The following TRIM63 variants were observed in gnomAD, a reference collection of about 807,000 sequenced individuals.
The protein encoded by TRIM63 is E3 ubiquitin-protein ligase TRIM63.
Under a neutral mutation model 46.0 loss-of-function variants are expected in TRIM63, and 48 were observed. The observed-to-expected ratio is 1.04, with a 90% CI of 0.83 to 1.33. The LOEUF is 1.33. Among genes scored for constraint, TRIM63 ranks in the 40% most tolerant of loss-of-function variants. The probability of loss-of-function intolerance (pLI) is 0.00; values close to 1 mark genes in which losing one functional copy is unlikely to be tolerated. For missense variants in TRIM63, 455 were observed against 441.2 expected (o/e 1.03, Z -0.28); for synonymous variants, 175 against 162.8 (o/e 1.08, Z -0.57).
intron 2 of TRIM63, among the ~76,000 whole-genome samples, chr1:26,061,597 G>T (rs565113770): frequency 6.6e-6 from 1 of 152,316 alleles, no homozygotes; most frequent in Admixed American, 6.5e-5. Flanking sequence ...ATCCTAAGAG[G>T]GAGTTAGCCT....
chr1:26,061,400 A>G (rs2050625150), intron 2 of TRIM63, 66 bp from the exon 3 acceptor site: 4 of 1,550,846 alleles, frequency 2.6e-6, no homozygotes, highest in African/African-American at 2.7e-5. Flanking sequence ...CCCAGCTCCA[A>G]TGCACCAGTC....
rs781192996 is a variant in TRIM63, at chr1:26,066,339, G to T, written c.261C>A (p.His87Gln). ...GGTTCCTCTGCAGGCCGTACACTCCGTGACGATCCATGATCACCTCGTGGC... is the reference window on the plus strand; with the variant it reads ...GGTTCCTCTGCAGGCCGTACACTCCTTGACGATCCATGATCACCTCGTGGC... ...TCRHEVIMDR[H>Q]GVYGLQRNLL... The change falls in exon 2 of 9, where the codon CAC (histidine) becomes CAA (glutamine). Residue 87 changes from histidine (H) to glutamine (Q), a missense_variant. By Grantham distance (24) the His-to-Gln change is conservative (BLOSUM62 0). Transcript: ENST00000374272. The T allele has an allele frequency of 6.2e-7, 1 of 1,614,144 alleles. No homozygotes were observed. Among genetic ancestry groups the T allele is most frequent in the African/African-American group, 1.3e-5 (1 of 75,062 alleles).
chr1:26,055,959 G>A (rs61775412), intron 7 of TRIM63, among the ~76,000 whole-genome samples: 1,999 of 152,304 alleles, frequency 0.013, 19 homozygotes, highest in South Asian at 0.033. Flanking sequence ...TCTGAAAACA[G>A]ACTTAGCACC....
At position 26,061,274 on chromosome 1, in the gene TRIM63, G is replaced by T. The variant is rs765081648; in HGVS notation, c.393C>A (p.Asn131Lys). 12 of 1,614,092 alleles carry T rather than the reference G, an allele frequency of 7.4e-6. No individual in the cohort carries two copies. The highest frequency in any genetic ancestry group is 1.0e-5 in the Non-Finnish European group (12 of 1,180,020). ...MCKEHEDEKI[N>K]IYCLTCEVPT... ...GCACCTCACACGTGAGACAGTAGAT[G>T]TTGATTTTCTCATCTTCGTGCTCCT... Residue 131 changes from asparagine (N) to lysine (K), a missense_variant, in exon 3 of 9, where the codon AAC (asparagine) becomes AAA (lysine). By Grantham distance (94) the Asn-to-Lys change is moderately conservative (BLOSUM62 0). Transcript: ENST00000374272.
intron 5 of TRIM63, among the ~76,000 whole-genome samples, chr1:26,058,135 A>G (rs529693411): frequency 6.6e-6 from 1 of 152,318 alleles, no homozygotes; most frequent in Admixed American, 6.5e-5. Context: ...CTCAATTAAT[A>G]GTCTGTAGAT....
intron 3 of TRIM63, 28 bp downstream of exon 3, chr1:26,061,138 T>C: frequency 6.2e-7 from 1 of 1,608,232 alleles, no homozygotes; most frequent in Non-Finnish European, 8.5e-7. Context: ...AGGCCCAGGC[T>C]GGGGGTAAAA....
At chr1:26,066,169 T>G in intron 2 of TRIM63, 99 bp downstream of exon 2, 1 of 1,386,324 alleles carries the variant, frequency 7.2e-7, no homozygotes, top group Non-Finnish European at 1.0e-6. Flanking sequence ...GCTAGAGGCC[T>G]GGATCCTGAG....
intron 4 of TRIM63, 110 bp downstream of exon 4, chr1:26,060,156 C>A (rs1229267273): frequency 7.1e-6 from 6 of 841,536 alleles, no homozygotes; most frequent in Non-Finnish European, 1.2e-5. Flanking sequence ...TTGACCGCCC[C>A]AGGCTCCGGG....
intron 6 of TRIM63, 88 bp downstream of exon 6, chr1:26,057,540 C>G: frequency 6.7e-7 from 1 of 1,483,796 alleles, no homozygotes; most frequent in Non-Finnish European, 9.1e-7. Flanking sequence ...ACCCTCCCAG[C>G]AGGCCTAATG....
At chr1:26,065,277 G>T (rs145812588) in intron 2 of TRIM63, among the ~76,000 whole-genome samples, 2 of 151,886 alleles carry the variant, frequency 1.3e-5, no homozygotes, top group African/African-American at 4.8e-5. Context: ...ACACACCTTG[G>T]CCTCCCAAAG....
chr1:26,061,380 C>T, intron 2 of TRIM63, 46 bp from the exon 3 acceptor site: 2 of 1,593,836 alleles, frequency 1.3e-6, no homozygotes, highest in Non-Finnish European at 1.7e-6. Context: ...TGTGTCCCTG[C>T]ATCCCCCTCC....
chr1:26,057,045 GAGCCACCAC>G (rs1428930620), intron 7 of TRIM63, among the ~76,000 whole-genome samples, 149 bp downstream of exon 7: 1 of 152,196 alleles, frequency 6.6e-6, no homozygotes, highest in East Asian at 1.9e-4. Flanking sequence ...TTACAGGCAT[GAGCCACCAC>G]AGCCGGCCAG....
chr1:26,057,440 G>T, intron 6 of TRIM63, 113 bp from the exon 7 acceptor site: 1 of 1,454,902 alleles, frequency 6.9e-7, no homozygotes, highest in Non-Finnish European at 9.3e-7. Flanking sequence ...TCCCCTGGAG[G>T]GATGGAGTAT....
chr1:26,060,413 C>G (rs2050613310), intron 3 of TRIM63, 52 bp from the exon 4 acceptor site: 3 of 1,412,712 alleles, frequency 2.1e-6, no homozygotes, highest in Non-Finnish European at 3.0e-6. Flanking sequence ...AGCCTCAGGG[C>G]CTACCCACTG....
rs576690431 is a variant in TRIM63, at chr1:26,052,027, C to A, written c.1052-144G>T. 26 of 625,932 alleles carry A rather than the reference C, an allele frequency of 4.2e-5. No homozygotes were observed. The East Asian group carries it at 8.4e-4, about 20-fold the overall frequency. 38.8% of individuals were successfully genotyped at this position (625,932 alleles called of 1,614,324 possible). On this transcript the variant is annotated intron_variant, in intron 8 of 8. Coordinates refer to ENST00000374272, the MANE Select transcript of TRIM63 (RefSeq NM_032588.4). ...CCTCCCGGTCTCTTCCTTTTAAAAC[C>A]AAAATAGAATTTAGCTGCCCAAATA...
At position 26,057,205 on chromosome 1, in the gene TRIM63, G is replaced by A; in HGVS notation, c.977C>T (p.Thr326Ile). The A allele has an allele frequency of 6.2e-7, 1 of 1,614,126 alleles. No homozygotes were observed. Among genetic ancestry groups the A allele is most frequent in the Non-Finnish European group, 8.5e-7 (1 of 1,180,012 alleles). ...AGTGGCATCACCACCTCCTTTACCTGTCCCAAAGTCAATGGCTCTCAGGGC... is the reference window on the plus strand; with the variant it reads ...AGTGGCATCACCACCTCCTTTACCTATCCCAAAGTCAATGGCTCTCAGGGC... ...ADALRAIDFG[T>I]DEEEEEFIEE... Residue 326 changes from threonine (T) to isoleucine (I), a missense_variant and splice_region_variant, in exon 7 of 9, where the codon ACA becomes ATA. Thr to Ile is a moderately conservative substitution (Grantham distance 89). Transcript: ENST00000374272.
At chr1:26,061,357 G>A in intron 2 of TRIM63, 23 bp from the exon 3 acceptor site, 1 of 1,609,712 alleles carries the variant, frequency 6.2e-7, no homozygotes, top group Non-Finnish European at 8.5e-7. Context: ...ACAGTCACAA[G>A]TCATGGGGGT....
intron 8 of TRIM63, among the ~76,000 whole-genome samples, chr1:26,053,286 CTT>C (rs2050538417): frequency 6.6e-6 from 1 of 151,898 alleles, no homozygotes; most frequent in African/African-American, 2.4e-5. Flanking sequence ...GAGTCTCACT[CTT>C]GTCACCCAGG....
At chr1:26,053,845 G>T in intron 8 of TRIM63, 48 bp downstream of exon 8, 1 of 1,410,952 alleles carries the variant, frequency 7.1e-7, no homozygotes, top group Non-Finnish European at 1.0e-6. Context: ...TCAGATTGTT[G>T]TGGAATGAAT....
Sources: gnomAD v4.1 joint callset for allele counts (sites outside exome capture counted in the v4.1 genomes callset) on GRCh38, gnomAD v4.1.1 for gene constraint, MANE v1.5 for transcripts, NCBI Gene and HGNC (gene_info 2026-07-23, HGNC 2026-07-21) for gene names.